The following STOX2 variants were observed in gnomAD, a reference collection of about 807,000 sequenced individuals.
STOX2 encodes the protein storkhead box 2.
A neutral mutation model predicts 60.9 loss-of-function variants in STOX2; 28 were observed. The observed-to-expected ratio is 0.46, with a 90% CI of 0.34 to 0.63. The LOEUF is 0.63. Among genes scored for constraint, STOX2 ranks in the 30% least tolerant of loss-of-function variants. The pLI, the probability that STOX2 is intolerant of heterozygous loss-of-function variation, is 0.01. For synonymous variants in STOX2, 472 were observed against 463.9 expected, an observed-to-expected ratio of 1.02 and a Z score of -0.22; for missense variants, 1,024 against 1,187.7, an observed-to-expected ratio of 0.86 and a Z score of 2.03.
intron 1 of STOX2, among the ~76,000 whole-genome samples, chr4:183,852,356 AGAAACGATGAGG>A (rs1560846348): frequency 1.2e-4 from 8 of 68,148 alleles, no homozygotes; most frequent in East Asian, 4.6e-4. Flanking sequence ...AAAGGATGAG[AGAAACGATGAGG>A]GAAAGGATGA....
chr4:183,842,833 C>CT (rs33919752), intron 1 of STOX2, among the ~76,000 whole-genome samples: 1,575 of 147,968 alleles, frequency 0.011, 24 homozygotes, highest in African/African-American at 0.037. Context: ...GTTTTAAATT[C>CT]TTTTTTTTTT....
intron 1 of STOX2, among the ~76,000 whole-genome samples, chr4:183,998,359 G>C (rs1442936754): frequency 3.3e-5 from 5 of 152,114 alleles, no homozygotes; most frequent in African/African-American, 1.2e-4. Context: ...GCCGGCCTCA[G>C]TGCCCCTGTC....
intron 1 of STOX2, among the ~76,000 whole-genome samples, chr4:183,942,914 T>C (rs1397799381): frequency 6.6e-6 from 1 of 152,254 alleles, no homozygotes; most frequent in Non-Finnish European, 1.5e-5. Flanking sequence ...TGATTTTGTA[T>C]TGCTACATAA....
At chr4:184,000,975 G>A (rs923046615) in intron 1 of STOX2, among the ~76,000 whole-genome samples, 4 of 152,150 alleles carry the variant, frequency 2.6e-5, no homozygotes, top group Non-Finnish European at 4.4e-5. Context: ...GCAATTTGTC[G>A]GGATATGAAT....
chr4:183,870,718 T>C (rs1015187315), intron 1 of STOX2, among the ~76,000 whole-genome samples: 1 of 152,230 alleles, frequency 6.6e-6, no homozygotes, highest in Non-Finnish European at 1.5e-5. Flanking sequence ...CTTTATATGG[T>C]CTTTCAAAGA....
intron 1 of STOX2, among the ~76,000 whole-genome samples, chr4:183,867,003 C>T (rs1020215667): frequency 6.6e-6 from 1 of 152,164 alleles, no homozygotes; most frequent in Non-Finnish European, 1.5e-5. Flanking sequence ...AGAAAAAGGT[C>T]ATCTCTTGTT....
chr4:183,862,674 G>T (rs1180536701), intron 1 of STOX2, among the ~76,000 whole-genome samples: 39 of 152,234 alleles, frequency 2.6e-4, no homozygotes, highest in Non-Finnish European at 1.5e-5. Flanking sequence ...GCGAGAGTCG[G>T]CAGGGTTTAC....
At chr4:183,838,231 C>A (rs1739762754) in intron 1 of STOX2, among the ~76,000 whole-genome samples, 1 of 148,614 alleles carries the variant, frequency 6.7e-6, no homozygotes. Context: ...TTAAATAATT[C>A]AATACATATA....
At chr4:183,967,191 C>T (rs987409704) in intron 1 of STOX2, among the ~76,000 whole-genome samples, 2 of 152,018 alleles carry the variant, frequency 1.3e-5, no homozygotes, top group African/African-American at 4.8e-5. Context: ...GGAGAAACTC[C>T]ATCTCTACTA....
chr4:183,894,648 A>G (rs549591908), intron 1 of STOX2, among the ~76,000 whole-genome samples: 2 of 152,290 alleles, frequency 1.3e-5, no homozygotes, highest in South Asian at 4.1e-4. Flanking sequence ...TTCCTGTATA[A>G]CATTCCCTTA....
intron 1 of STOX2, among the ~76,000 whole-genome samples, chr4:183,803,878 G>A (rs949137289): frequency 3.3e-5 from 5 of 152,176 alleles, no homozygotes; most frequent in African/African-American, 7.2e-5. Flanking sequence ...CAGGAGAATC[G>A]CTTGAACCTG....
At chr4:183,951,201 C>CGAG (rs1743076992) in intron 1 of STOX2, among the ~76,000 whole-genome samples, 1 of 140,652 alleles carries the variant, frequency 7.1e-6, no homozygotes, top group Non-Finnish European at 1.5e-5. Context: ...GGCGACAGAG[C>CGAG]GAGACTCCGT....
intron 2 of STOX2, among the ~76,000 whole-genome samples, chr4:184,008,290 TG>T (rs1307544108): frequency 6.6e-5 from 10 of 152,380 alleles, no homozygotes; most frequent in African/African-American, 1.9e-4. Context: ...CTCTTAATTC[TG>T]TCTCTTAAGG....
intron 1 of STOX2, among the ~76,000 whole-genome samples, chr4:183,964,429 G>A (rs913729687): frequency 6.6e-6 from 1 of 152,146 alleles, no homozygotes; most frequent in African/African-American, 2.4e-5. Context: ...TGCCAACAGC[G>A]CTGGGAGAGA....
chr4:183,955,868 G>A (rs892128074), intron 1 of STOX2, among the ~76,000 whole-genome samples: 2 of 152,136 alleles, frequency 1.3e-5, no homozygotes, highest in Non-Finnish European at 2.9e-5. Context: ...CCTGCAGAGC[G>A]ATCTGTAGAG....
chr4:183,850,706 G>A (rs1740097291), intron 1 of STOX2, among the ~76,000 whole-genome samples: 1 of 152,220 alleles, frequency 6.6e-6, no homozygotes, highest in African/African-American at 2.4e-5. Flanking sequence ...TCCAGCCTGG[G>A]TGACAGAGTG....
intron 1 of STOX2, among the ~76,000 whole-genome samples, chr4:183,926,183 A>G (rs1272369439): frequency 1.3e-5 from 2 of 152,224 alleles, no homozygotes; most frequent in African/African-American, 4.8e-5. Flanking sequence ...AATATTCAAG[A>G]TAAAGAAATA....
intron 1 of STOX2, among the ~76,000 whole-genome samples, chr4:183,961,682 G>A (rs185986028): frequency 2.0e-5 from 3 of 152,348 alleles, no homozygotes; most frequent in Admixed American, 2.0e-4. Flanking sequence ...CACCCAGATA[G>A]TGTACACTGT....
intron 1 of STOX2, among the ~76,000 whole-genome samples, chr4:183,935,973 C>A (rs1742578807): frequency 6.6e-6 from 1 of 152,144 alleles, no homozygotes; most frequent in African/African-American, 2.4e-5. Flanking sequence ...TGAAATGAAC[C>A]CTGTGCATTT....
Sources: allele counts gnomAD v4.1 joint callset (sites outside exome capture counted in the v4.1 genomes callset), GRCh38; gene constraint gnomAD v4.1.1; transcripts MANE v1.5; gene names NCBI Gene and HGNC (gene_info 2026-07-23, HGNC 2026-07-21).